HUNK: variants seen among roughly 807,000 people sequenced by gnomAD.
The protein encoded by HUNK is hormonally up-regulated neu tumor-associated kinase.
HUNK carries 21 observed loss-of-function variants against 61.0 expected under a neutral mutation model. The ratio of observed to expected loss-of-function variants is 0.34; its 90% CI spans 0.24 to 0.50. HUNK has a LOEUF of 0.50. Among genes scored for constraint, HUNK ranks in the 20% least tolerant of loss-of-function variants. HUNK has a pLI of 0.98. For synonymous variants in HUNK, 371 were observed against 386.1 expected, an observed-to-expected ratio of 0.96 and a Z score of 0.46; for missense variants, 772 against 945.7, an observed-to-expected ratio of 0.82 and a Z score of 2.41.
At position 31,888,753 on chromosome 21, in the gene HUNK, AAAAC is replaced by A. The variant is rs1207212015; in HGVS notation, c.261+14830_261+14833del. Reference sequence around the variant, plus strand: ...GAAACTCCATCTCAAAACAAAAACAAAAACAAACAAACAAAAAAATGCAAAAAAA... The same window carrying A: ...GAAACTCCATCTCAAAACAAAAACAAAAACAAACAAAAAAATGCAAAAAAA... On this transcript the variant is annotated intron_variant, in intron 1 of 10. Transcript: ENST00000270112. Among the ~76,000 whole-genome samples, 33 of 152,062 alleles carry A rather than the reference AAAAC, an allele frequency of 2.2e-4. No homozygotes were observed. The Middle Eastern group carries it at 0.017, about 78-fold the overall frequency.
chr21:31,881,472 C>CA (rs1286047668), intron 1 of HUNK, among the ~76,000 whole-genome samples: 1 of 151,868 alleles, frequency 6.6e-6, no homozygotes, highest in Non-Finnish European at 1.5e-5. Context: ...ACTAAAAATA[C>CA]AAAAAAATTA....
At chr21:31,878,884 TGAGATA>T (rs1427808175) in intron 1 of HUNK, among the ~76,000 whole-genome samples, 3 of 152,210 alleles carry the variant, frequency 2.0e-5, no homozygotes, top group Non-Finnish European at 4.4e-5. Context: ...TGAGTCTCAC[TGAGATA>T]CAAAGTTGAG....
chr21:31,876,665 A>T (rs2052264501), intron 1 of HUNK, among the ~76,000 whole-genome samples: 1 of 152,192 alleles, frequency 6.6e-6, no homozygotes, highest in African/African-American at 2.4e-5. Context: ...TCCAGTGAGC[A>T]GAGCTGAGGA....
chr21:31,914,434 A>AAC (rs2052568287), intron 1 of HUNK, among the ~76,000 whole-genome samples: 1 of 150,504 alleles, frequency 6.6e-6, no homozygotes, highest in Non-Finnish European at 1.5e-5. Context: ...AAAAAAAAAA[A>AAC]AAAGACCCGG....
At chr21:31,927,933 C>G (rs976998491) in intron 2 of HUNK, among the ~76,000 whole-genome samples, 1 of 152,218 alleles carries the variant, frequency 6.6e-6, no homozygotes, top group Non-Finnish European at 1.5e-5. Context: ...CATGAGATCA[C>G]CCTTCATTAG....
intron 1 of HUNK, among the ~76,000 whole-genome samples, chr21:31,909,170 T>C (rs558465037): frequency 6.6e-6 from 1 of 152,326 alleles, no homozygotes; most frequent in East Asian, 1.9e-4. Flanking sequence ...TTTAACTAAG[T>C]AGCAGCCTTC....
At chr21:31,984,784 T>C (rs2053121761) in intron 8 of HUNK, among the ~76,000 whole-genome samples, 1 of 152,210 alleles carries the variant, frequency 6.6e-6, no homozygotes, top group Non-Finnish European at 1.5e-5. Context: ...AGCCTGTTTA[T>C]GTCCCCTGAG....
intron 7 of HUNK, among the ~76,000 whole-genome samples, chr21:31,976,277 A>G (rs1198786547): frequency 1.3e-5 from 2 of 152,086 alleles, no homozygotes; most frequent in Non-Finnish European, 2.9e-5. Context: ...AAATCCAGAA[A>G]GACAGGACTT....
chr21:31,956,945 C>T (rs546889414), intron 4 of HUNK, among the ~76,000 whole-genome samples: 2 of 152,278 alleles, frequency 1.3e-5, no homozygotes, highest in Admixed American at 1.3e-4. Flanking sequence ...CTTGTTCATT[C>T]TTGTTTCCAT....
At chr21:31,920,373 T>C (rs1445488469) in intron 1 of HUNK, among the ~76,000 whole-genome samples, 1 of 152,226 alleles carries the variant, frequency 6.6e-6, no homozygotes, top group Non-Finnish European at 1.5e-5. Flanking sequence ...AAGAACTCAA[T>C]AAGGTATCTT....
intron 5 of HUNK, among the ~76,000 whole-genome samples, chr21:31,960,343 G>A (rs1601399260): frequency 6.6e-6 from 1 of 150,516 alleles, no homozygotes; most frequent in South Asian, 2.1e-4. Context: ...TCTAAAGAAA[G>A]TAAAATAAAT....
chr21:31,873,643 G>C lies in HUNK; in HGVS notation c.-32G>C, dbSNP rs939189583. On this transcript the variant is annotated 5_prime_UTR_variant, in exon 1 of 11. Transcript: ENST00000270112. This position sits in a 1 kb window ranked among gnomAD's most constrained non-coding sequence, Gnocchi z 6.1. Reference sequence around the variant, plus strand: ...AGGAGGAGCTGCGAGCGCGGGAGACGAGCAGGAGCCGCGCGGGCCGCGGCG... The same window carrying C: ...AGGAGGAGCTGCGAGCGCGGGAGACCAGCAGGAGCCGCGCGGGCCGCGGCG... The C allele has an allele frequency of 1.1e-6, 1 of 938,646 alleles. No individual in the cohort carries two copies. Among genetic ancestry groups the C allele is most frequent in the Non-Finnish European group, 1.2e-6 (1 of 814,988 alleles). 58.1% of individuals were successfully genotyped at this position (938,646 alleles called of 1,614,324 possible). A position where few individuals can be genotyped will look rare whatever the true frequency, so the allele number is the denominator to read the frequency against.
intron 10 of HUNK, 148 bp from the exon 11 acceptor site, chr21:31,998,378 G>C (rs1246753556): frequency 1.4e-6 from 1 of 726,828 alleles, no homozygotes; most frequent in Non-Finnish European, 2.3e-6. Flanking sequence ...GGTGACTTTT[G>C]CAAAGTAGCC....
In HUNK at chr21:31,999,448, T is replaced by A; in HGVS notation, c.*264T>A. ...TCCTCCCAAGTACTCACCAACCCCT[T>A]CCACTTCCCACTTCCCCCAGGCTTG... On this transcript the variant is annotated 3_prime_UTR_variant, in exon 11 of 11. Transcript: ENST00000270112. 2.4e-6 allele frequency: 1 copy of A among 421,856 alleles called. No homozygotes were observed. The highest frequency in any genetic ancestry group is 6.3e-4 in the Middle Eastern group (1 of 1,576). 26.1% of individuals were successfully genotyped at this position (421,856 alleles called of 1,614,324 possible).
intron 8 of HUNK, among the ~76,000 whole-genome samples, chr21:31,986,162 G>A (rs879352990): frequency 8.6e-5 from 13 of 152,020 alleles, no homozygotes; most frequent in African/African-American, 1.2e-4. Context: ...CATGAATGAA[G>A]GGGTCTTGAA....
intron 7 of HUNK, among the ~76,000 whole-genome samples, chr21:31,980,947 A>G (rs934950108): frequency 2.0e-5 from 3 of 149,488 alleles, no homozygotes; most frequent in Non-Finnish European, 3.0e-5. Flanking sequence ...CAGGTGATCC[A>G]CCTGCCTTGG....
chr21:31,971,830 C>CTTTT (rs11424112), intron 6 of HUNK, among the ~76,000 whole-genome samples: 1 of 138,736 alleles, frequency 7.2e-6, no homozygotes. Context: ...CAGGTGCAGA[C>CTTTT]TTTTTTTTTT....
At chr21:31,886,853 C>T (rs2052350195) in intron 1 of HUNK, among the ~76,000 whole-genome samples, 1 of 152,150 alleles carries the variant, frequency 6.6e-6, no homozygotes, top group South Asian at 2.1e-4. Context: ...GCTGGTCAGG[C>T]TGGTCTCGAA....
intron 3 of HUNK, among the ~76,000 whole-genome samples, chr21:31,943,374 G>A (rs1226296713): frequency 2.6e-5 from 4 of 152,096 alleles, no homozygotes; most frequent in African/African-American, 9.7e-5. Context: ...GATTCATTCT[G>A]TAGCTCTCAG....
Sources: allele counts gnomAD v4.1 joint callset (sites outside exome capture counted in the v4.1 genomes callset), GRCh38; gene constraint gnomAD v4.1.1; non-coding constraint Gnocchi (gnomAD v3.1); transcripts MANE v1.5; gene names NCBI Gene and HGNC (gene_info 2026-07-23, HGNC 2026-07-21).